The following PIR variants were observed in gnomAD, a reference collection of about 807,000 sequenced individuals.
PIR encodes pirin.
Under a neutral mutation model 24.2 loss-of-function variants are expected in PIR, and 22 were observed. The ratio of observed to expected loss-of-function variants is 0.91; its 90% CI spans 0.65 to 1.30. PIR has a LOEUF of 1.30. Ranked by LOEUF, PIR falls within the 50% of genes most tolerant of loss-of-function variation. The pLI, the probability that PIR is intolerant of heterozygous loss-of-function variation, is 0.00. For missense variants in PIR, 220 were observed against 220.3 expected (o/e 1.00, Z 0.01); for synonymous variants, 80 against 79.6 (o/e 1.00, Z -0.03).
At chrX:15,416,243 C>A (rs767295776) in intron 6 of PIR, among the ~76,000 whole-genome samples, 2,271 of 111,738 alleles carry the variant, frequency 0.02, 63 homozygotes, top group African/African-American at 0.069. Context: ...GTCTAATGTA[C>A]TGCTGGGAAG....
chrX:15,438,531 G>A (rs1925817382), intron 5 of PIR, among the ~76,000 whole-genome samples: 1 of 112,057 alleles, frequency 8.9e-6, no homozygotes, highest in African/African-American at 3.2e-5. Flanking sequence ...CCCTAGGCAA[G>A]TTGCTAACCT....
At chrX:15,433,092 T>G (rs868585957) in intron 5 of PIR, among the ~76,000 whole-genome samples, 49 of 112,692 alleles carry the variant, frequency 4.3e-4, no homozygotes, top group Middle Eastern at 4.6e-3. Flanking sequence ...GATGTCAAGT[T>G]GGCAGTGGCA....
intron 2 of PIR, among the ~76,000 whole-genome samples, chrX:15,481,112 TAAAGAACATA>T (rs1051310772): frequency 8.9e-5 from 10 of 112,371 alleles, no homozygotes; most frequent in African/African-American, 3.2e-4. Context: ...ATTCAGCACT[TAAAGAACATA>T]ATAGAAGAAG....
At chrX:15,466,491 G>A (rs993104224) in intron 3 of PIR, among the ~76,000 whole-genome samples, 2 of 111,893 alleles carry the variant, frequency 1.8e-5, no homozygotes, top group East Asian at 2.8e-4. Flanking sequence ...AAACTACACC[G>A]GCTTTGGGGC....
chrX:15,433,511 GGAAAGAAA>G (rs765522981), intron 5 of PIR, among the ~76,000 whole-genome samples: 41 of 48,107 alleles, frequency 8.5e-4, no homozygotes, highest in South Asian at 1.5e-3. Context: ...AGGAGGAGGA[GGAAAGAAA>G]GAAAGAAAGA....
At position 15,456,182 on chromosome X, in the gene PIR, G is replaced by A. The variant is rs753668338; in HGVS notation, c.274-128C>T. The A allele has an allele frequency of 1.4e-5, 8 of 559,012 alleles. 1 individual carries two copies. The highest frequency in any genetic ancestry group is 3.3e-5 in the East Asian group (1 of 29,858). 46.1% of individuals were successfully genotyped at this position (559,012 alleles called of 1,213,427 possible). A position where few individuals can be genotyped will look rare whatever the true frequency, so the allele number is the denominator to read the frequency against. On this transcript the variant is annotated intron_variant, in intron 4 of 9. Coordinates refer to ENST00000380420, the MANE Select transcript of PIR (RefSeq NM_001018109.3). ...GCTGCTATCAGAGCCCCTGGGCATC[G>A]AGGGGAATAATAAACATCAGTGACA...
chrX:15,461,040 C>T (rs1246353350), intron 3 of PIR, among the ~76,000 whole-genome samples: 1 of 111,802 alleles, frequency 8.9e-6, no homozygotes, highest in Non-Finnish European at 1.9e-5. Context: ...GGTGCCCCTT[C>T]CTCCTAGCAG....
rs191777952 is a variant in PIR at position 15,390,988 on chromosome X, C to T, written c.694-737G>A. ...AACCCCCAATATTGCTAATGTCCTC[C>T]GATCCAGTAATGACAGTTTTAGCAA... On this transcript the variant is annotated intron_variant, in intron 8 of 9. Coordinates refer to ENST00000380420, the MANE Select transcript of PIR (RefSeq NM_001018109.3). Among the ~76,000 whole-genome samples the T allele has an allele frequency of 2.7e-5, 3 of 111,507 alleles. No homozygotes were observed. The Admixed American group carries it at 2.9e-4, about 11-fold the overall frequency.
At chrX:15,387,128 G>A (rs377164519) in intron 9 of PIR, among the ~76,000 whole-genome samples, 2 of 82,668 alleles carry the variant, frequency 2.4e-5, no homozygotes, top group African/African-American at 4.8e-5. Context: ...TTGCTCTGTC[G>A]CCCAGGCTGG....
intron 8 of PIR, among the ~76,000 whole-genome samples, 177 bp downstream of exon 8, chrX:15,397,271 CT>C (rs1924196224): frequency 8.9e-6 from 1 of 112,028 alleles, no homozygotes; most frequent in Non-Finnish European, 1.9e-5. Context: ...AAAGATAAAA[CT>C]TTAAAATAAA....
chrX:15,424,790 A>T (rs1016371970), intron 6 of PIR, among the ~76,000 whole-genome samples: 8 of 111,921 alleles, frequency 7.1e-5, no homozygotes, highest in African/African-American at 2.6e-4. Context: ...TAAGGCCAGG[A>T]ATCTGAGACC....
At chrX:15,392,636 G>T (rs746603509) in intron 8 of PIR, among the ~76,000 whole-genome samples, 2 of 111,770 alleles carry the variant, frequency 1.8e-5, no homozygotes, top group African/African-American at 6.5e-5. Flanking sequence ...GGGTAGAATG[G>T]TTTCTTCAAA....
intron 5 of PIR, among the ~76,000 whole-genome samples, chrX:15,426,954 C>G (rs776636596): frequency 9.0e-6 from 1 of 111,322 alleles, no homozygotes; most frequent in South Asian, 3.8e-4. Context: ...TGATAATAGC[C>G]CCAAACTGGA....
chrX:15,423,591 G>C (rs1183987909), intron 6 of PIR, among the ~76,000 whole-genome samples: 1 of 106,286 alleles, frequency 9.4e-6, no homozygotes, highest in Non-Finnish European at 1.9e-5. Context: ...ACTCCAGCCT[G>C]GGTGACAGAG....
Position 15,491,325 on chromosome X carries a change from C to CAAAA in PIR, c.-52-20_-52-17dup. ...GGATGGAGGGCTAAAGGAAGGACAA[C>CAAAA]AAAAAAAAAAGAAGTCATAAAGGAG... On this transcript the variant is annotated splice_polypyrimidine_tract_variant and intron_variant, in intron 1 of 9. Coordinates refer to ENST00000380420, the MANE Select transcript of PIR (RefSeq NM_001018109.3). 1 of 560,076 alleles carries CAAAA rather than the reference C, an allele frequency of 1.8e-6. No homozygotes were observed. The highest frequency in any genetic ancestry group is 4.3e-5 in the East Asian group (1 of 23,454). The allele number at this position is 560,076 out of a possible 1,213,427, so 46.2% of individuals were successfully genotyped here. A position where few individuals can be genotyped will look rare whatever the true frequency, so the allele number is the denominator to read the frequency against.
chrX:15,447,478 C>T (rs1056871361), intron 5 of PIR, among the ~76,000 whole-genome samples: 2 of 111,238 alleles, frequency 1.8e-5, no homozygotes, highest in African/African-American at 6.5e-5. Context: ...CCACTCCTGG[C>T]TAATTTTGTT....
chrX:15,400,326 C>G lies in PIR; in HGVS notation c.611-2795G>C, dbSNP rs190804273. Among the ~76,000 whole-genome samples the G allele has an allele frequency of 9.8e-5, 11 of 111,929 alleles. No individual in the cohort carries two copies. In the East Asian group the frequency reaches 2.5e-3, roughly 26 times the overall value. ...ATTAAGTGTGCTTTACTGAGATCCC[C>G]TGGGAGCAATGAAACATGTCTTTAT... On this transcript the variant is annotated intron_variant, in intron 7 of 9. Transcript: ENST00000380420.
At chrX:15,412,516 T>A (rs1056198006) in intron 6 of PIR, among the ~76,000 whole-genome samples, 1 of 111,999 alleles carries the variant, frequency 8.9e-6, no homozygotes, top group Admixed American at 9.5e-5. Flanking sequence ...ATAAAAACCA[T>A]ACAGGTGAAA....
intron 9 of PIR, among the ~76,000 whole-genome samples, chrX:15,385,432 C>T (rs141501969): frequency 0.037 from 4,103 of 111,525 alleles, 181 homozygotes; most frequent in African/African-American, 0.13. Flanking sequence ...CTATTACAAC[C>T]AATTTTGTAG....
Sources: gnomAD v4.1 joint callset for allele counts (sites outside exome capture counted in the v4.1 genomes callset) on GRCh38, gnomAD v4.1.1 for gene constraint, MANE v1.5 for transcripts, NCBI Gene and HGNC (gene_info 2026-07-23, HGNC 2026-07-21) for gene names.